Variants in OSMR observed in about 807,000 individuals in gnomAD.
The protein encoded by OSMR is oncostatin M receptor.
Under a neutral mutation model 99.9 loss-of-function variants are expected in OSMR, and 81 were observed. The observed-to-expected ratio is 0.81, with a 90% confidence interval of 0.68 to 0.97. The LOEUF (loss-of-function observed/expected upper bound fraction) is 0.97. Ranked by LOEUF, OSMR falls within the 50% of genes least tolerant of loss-of-function variation. The probability of loss-of-function intolerance (pLI) is 0.00; values close to 1 mark genes in which losing one functional copy is unlikely to be tolerated. For synonymous variants in OSMR, 406 were observed against 410.4 expected (o/e 0.99, Z 0.13); for missense variants, 1,099 against 1,153.4 (o/e 0.95, Z 0.68).
Position 38,863,788 on chromosome 5 carries a change from CT to C in OSMR, c.-13-5243del, listed in dbSNP as rs1193548864. On this transcript the variant is annotated intron_variant, in intron 1 of 17. Transcript: ENST00000274276. The stretch of plus-strand genomic sequence containing the variant: ...TCCCTAAATATTATTGTATTAGAGT[CT>C]ATCTTTCCTTTTAGATTTAGTAATA... Among the ~76,000 whole-genome samples the C allele has an allele frequency of 4.3e-4, 66 of 152,274 alleles. 1 individual carries two copies. Among genetic ancestry groups the C allele is most frequent in the African/African-American group, 1.3e-3 (54 of 41,558 alleles).
intron 2 of OSMR, among the ~76,000 whole-genome samples, chr5:38,875,492 T>G (rs1742744616): frequency 6.6e-6 from 1 of 152,240 alleles, no homozygotes; most frequent in Non-Finnish European, 1.5e-5. Flanking sequence ...GGCCACCAAC[T>G]TCAGCAAATC....
intron 1 of OSMR, among the ~76,000 whole-genome samples, chr5:38,850,250 G>A (rs1161517843): frequency 6.6e-5 from 10 of 152,182 alleles, no homozygotes; most frequent in Admixed American, 5.2e-4. Context: ...ACATTTGGGT[G>A]TACAGTCTTG....
intron 8 of OSMR, 140 bp from the exon 9 acceptor site, chr5:38,904,213 T>G: frequency 6.5e-7 from 1 of 1,527,262 alleles, no homozygotes; most frequent in Non-Finnish European, 8.8e-7. Context: ...GAAGATTTTT[T>G]TCCCCCCAAA....
At chr5:38,862,622 C>T (rs1177595888) in intron 1 of OSMR, among the ~76,000 whole-genome samples, 6 of 150,604 alleles carry the variant, frequency 4.0e-5, no homozygotes, top group Non-Finnish European at 5.9e-5. Context: ...CAGGCAGAGG[C>T]GCTCCTCACA....
intron 9 of OSMR, among the ~76,000 whole-genome samples, chr5:38,909,941 G>A (rs1482560196): frequency 4.6e-5 from 7 of 152,222 alleles, no homozygotes; most frequent in Non-Finnish European, 8.8e-5. Flanking sequence ...GCAAGTTGGA[G>A]AAAGAAGCAA....
chr5:38,860,352 G>C (rs1741187166), intron 1 of OSMR, among the ~76,000 whole-genome samples: 1 of 151,984 alleles, frequency 6.6e-6, no homozygotes, highest in Non-Finnish European at 1.5e-5. Flanking sequence ...TCATTTTTTT[G>C]ATGTAACGTA....
chr5:38,908,437 T>C (rs1745380078), intron 9 of OSMR, among the ~76,000 whole-genome samples: 1 of 152,216 alleles, frequency 6.6e-6, no homozygotes, highest in Admixed American at 6.5e-5. Context: ...CTGCCCTAGC[T>C]GCTGGCACAT....
In OSMR at chr5:38,933,827, C is replaced by A. The variant is rs190672964; in HGVS notation, c.*383C>A. ...TTTACTGAGGAAATATTTCCATTAA[C>A]AGCAATTATTATATTGAAGGCTTTA... On this transcript the variant is annotated 3_prime_UTR_variant, in exon 18 of 18. Transcript: ENST00000274276. The A allele has an allele frequency of 3.9e-5, 8 of 203,610 alleles. No homozygotes were observed. Among genetic ancestry groups the A allele is most frequent in the Admixed American group, 3.7e-4 (7 of 18,900 alleles). The allele number at this position is 203,610 out of a possible 1,614,324, so 12.6% of individuals were successfully genotyped here.
rs995669554 is a variant in OSMR, at chr5:38,929,878, C to T, written c.2213-2005C>T. Among the ~76,000 whole-genome samples the T allele has an allele frequency of 3.9e-5, 6 of 152,200 alleles. 1 individual carries two copies. The South Asian group carries it at 6.2e-4, about 16-fold the overall frequency. On this transcript the variant is annotated intron_variant, in intron 15 of 17. Transcript: ENST00000274276. ...CATTTTGCTTCTAAGCAGATAGGTA[C>T]AGTAAAAGTTAAATATCTCCACAGG...
chr5:38,942,116 G>C, intron 1 of OSMR: 2 of 412,516 alleles, frequency 4.8e-6, no homozygotes, highest in Non-Finnish European at 8.9e-6. Context: ...CTCAACAAAG[G>C]AGAGAAGGAA....
At chr5:38,849,472 G>T (rs73749578) in intron 1 of OSMR, among the ~76,000 whole-genome samples, 58 of 86,858 alleles carry the variant, frequency 6.7e-4, no homozygotes, top group Non-Finnish European at 6.8e-4. Flanking sequence ...TTTTTTGTTT[G>T]TTTTTCCCTA....
chr5:38,861,900 G>A (rs573866234), intron 1 of OSMR, among the ~76,000 whole-genome samples: 2,566 of 135,610 alleles, frequency 0.019, 91 homozygotes, highest in African/African-American at 0.067. Context: ...CCTCCCGGAC[G>A]GGGCGGCTGG....
chr5:38,919,600 A>T, intron 11 of OSMR: 2 of 309,836 alleles, frequency 6.5e-6, no homozygotes, highest in South Asian at 5.9e-5. Flanking sequence ...ATGCCCTTAC[A>T]TGCCAAATCA....
At position 38,909,860 on chromosome 5, in the gene OSMR, C is replaced by G. The variant is rs1164652613; in HGVS notation, c.1285+5357C>G. On this transcript the variant is annotated intron_variant, in intron 9 of 17. Coordinates refer to ENST00000274276, the MANE Select transcript of OSMR (RefSeq NM_003999.3). Reference sequence around the variant, plus strand: ...CCAGCTAACAAGACAATGACAGGATCAAATCCACACATACCAGTATTAAAC... The same window carrying G: ...CCAGCTAACAAGACAATGACAGGATGAAATCCACACATACCAGTATTAAAC... 4.6e-5 allele frequency among the ~76,000 whole-genome samples: 7 copies of G among 152,178 alleles called. No individual in the cohort carries two copies. In the East Asian group the frequency reaches 1.3e-3, roughly 29 times the overall value.
intron 7 of OSMR, among the ~76,000 whole-genome samples, chr5:38,898,264 A>T (rs1466161096): frequency 6.6e-6 from 1 of 152,038 alleles, no homozygotes; most frequent in African/African-American, 2.4e-5. Flanking sequence ...ATTTCTCTGT[A>T]TATCTGGCTG....
rs565038430 is a variant in OSMR at position 38,942,680 on chromosome 5, T to C, written c.75-1521T>C. On this transcript the variant is annotated intron_variant and NMD_transcript_variant, in intron 1 of 2. Transcript: ENST00000508882. ...TATGTTGCCCAGGCTGGTCTTGAAT[T>C]CCTGGGCTCAAGCAATTCTCCCGCG... 5.3e-5 allele frequency among the ~76,000 whole-genome samples: 8 copies of C among 151,732 alleles called. No homozygotes were observed. The South Asian group carries it at 1.7e-3, about 32-fold the overall frequency.
chr5:38,861,965 C>T (rs1198017085), intron 1 of OSMR, among the ~76,000 whole-genome samples: 2 of 130,572 alleles, frequency 1.5e-5, no homozygotes, highest in African/African-American at 2.9e-5. Flanking sequence ...GCTGGCCGGG[C>T]GGGGGACTGA....
chr5:38,889,774 T>A (rs921399359), intron 7 of OSMR, among the ~76,000 whole-genome samples: 8 of 152,332 alleles, frequency 5.3e-5, no homozygotes, highest in Non-Finnish European at 7.4e-5. Flanking sequence ...CTTTGAAAAT[T>A]AATTCTTTTT....
chr5:38,883,925 A>T lies in OSMR; in HGVS notation c.517A>T (p.Ile173Phe). The change falls in exon 5 of 18, where the codon ATT becomes TTT. Residue 173 changes from isoleucine (I) to phenylalanine (F), a missense_variant. Physicochemically the swap from Ile to Phe is conservative, Grantham distance 21. Coordinates refer to ENST00000274276, the MANE Select transcript of OSMR (RefSeq NM_003999.3). Reference protein sequence around the residue: ...NVTICYVSRNIQNNVSCYLEG... With the variant: ...NVTICYVSRNFQNNVSCYLEG... ...TACCATTTGTTACGTTTCTAGGAAC[A>T]TTCAAAATAATGTATCCTGTTATTT... 1 of 1,613,890 alleles carries T rather than the reference A, an allele frequency of 6.2e-7. No homozygotes were observed. Among genetic ancestry groups the T allele is most frequent in the Non-Finnish European group, 8.5e-7 (1 of 1,179,742 alleles).
Sources: gnomAD v4.1 joint callset for allele counts (sites outside exome capture counted in the v4.1 genomes callset) on GRCh38, gnomAD v4.1.1 for gene constraint, MANE v1.5 for transcripts, NCBI Gene and HGNC (gene_info 2026-07-23, HGNC 2026-07-21) for gene names.